RBCK1: variants seen among roughly 807,000 people sequenced by gnomAD.
The protein encoded by RBCK1 is RANBP2-type and C3HC4-type zinc finger containing 1, also known as ranBP-type and C3HC4-type zinc finger-containing protein 1.
A neutral mutation model predicts 71.1 loss-of-function variants in RBCK1; 44 were observed. The observed-to-expected ratio is 0.62, with a 90% CI of 0.49 to 0.80. The LOEUF is 0.80. Ranked by LOEUF, RBCK1 falls within the 30% of genes least tolerant of loss-of-function variation. RBCK1 has a pLI of 0.00. For synonymous variants in RBCK1, 306 were observed against 279.7 expected (o/e 1.09, Z -0.94); for missense variants, 569 against 685.0 (o/e 0.83, Z 1.89).
chr20:420,434 C>T (rs1222609204), intron 6 of RBCK1: 11 of 982,520 alleles, frequency 1.1e-5, no homozygotes, highest in African/African-American at 1.8e-5. Context: ...CTCAGCTCCT[C>T]GGCTTCGTCA....
Position 429,384 on chromosome 20 carries a change from G to A in RBCK1, c.1452+290G>A, listed in dbSNP as rs961748893. Among the ~76,000 whole-genome samples, 4 of 152,178 alleles carry A rather than the reference G, an allele frequency of 2.6e-5. No homozygotes were observed. The South Asian group carries it at 6.2e-4, about 24-fold the overall frequency. On this transcript the variant is annotated intron_variant, in intron 11 of 11. Transcript: ENST00000356286. ...TGGGATTACAGGCATGCGCCACCAC[G>A]CCCGGCTAGTTTTGTATTTTTAGGA... is the stretch of plus-strand genomic sequence containing the variant.
chr20:419,627 CG>C lies in RBCK1; in HGVS notation c.655del (p.Ala219ArgfsTer57), dbSNP rs1568557710. 1.3e-6 allele frequency: 2 copies of C among 1,591,770 alleles called. No homozygotes were observed. Among genetic ancestry groups the C allele is most frequent in the South Asian group, 1.1e-5 (1 of 88,544 alleles). ...GCGGCCTGGCTGTGAGATGTGCTGC[CG>C]GGCGCGCCCCGAGGCCTACCAGGTC... ...PTRPGCEMCC[R>X]ARPEAYQVPA... On this transcript the variant is annotated frameshift_variant, in exon 6 of 12. Coordinates refer to ENST00000356286, the MANE Select transcript of RBCK1 (RefSeq NM_031229.4). LOFTEE classifies it high-confidence loss of function.
Position 417,335 on chromosome 20 carries a change from C to T in RBCK1, c.168-191C>T. Reference sequence around the variant, plus strand: ...GAGTAGCGTGGAGCCATTGGAGGGGCCTAACTGGTGGGTTCTAATAAAGGA... The same window carrying T: ...GAGTAGCGTGGAGCCATTGGAGGGGTCTAACTGGTGGGTTCTAATAAAGGA... On this transcript the variant is annotated intron_variant, in intron 2 of 11. Coordinates refer to ENST00000356286, the MANE Select transcript of RBCK1 (RefSeq NM_031229.4). This position sits in a 1 kb window ranked among gnomAD's most constrained non-coding sequence, Gnocchi z 4.7. 1 of 732,186 alleles carries T rather than the reference C, an allele frequency of 1.4e-6. No homozygotes were observed. The highest frequency in any genetic ancestry group is 2.5e-6 in the Non-Finnish European group (1 of 392,324). The allele number at this position is 732,186 out of a possible 1,614,324, so 45.4% of individuals were successfully genotyped here. A position where few individuals can be genotyped will look rare whatever the true frequency, so the allele number is the denominator to read the frequency against.
chr20:429,114 GGT>G lies in RBCK1; in HGVS notation c.1452+24_1452+25del, dbSNP rs1230135214. On this transcript the variant is annotated intron_variant, in intron 11 of 11. Transcript: ENST00000356286. The stretch of plus-strand genomic sequence containing the variant: ...CCTGGGGTGAGTCTTTGCTCGTGGT[GGT>G]GTGGAGAGGGTGCCCTTGTGGGCTT... The G allele has an allele frequency of 1.9e-6, 3 of 1,601,080 alleles. No individual in the cohort carries two copies. The highest frequency in any genetic ancestry group is 2.6e-6 in the Non-Finnish European group (3 of 1,172,850).
intron 4 of RBCK1, among the ~76,000 whole-genome samples, chr20:418,461 C>T (rs1172869817): frequency 5.3e-5 from 8 of 152,170 alleles, no homozygotes; most frequent in South Asian, 2.1e-4. Context: ...CTCCGACTCC[C>T]GGGTTCACGC....
At chr20:410,484 A>T in intron 2 of RBCK1, 1 of 779,580 alleles carries the variant, frequency 1.3e-6, no homozygotes, top group Admixed American at 1.7e-5. Context: ...GAAGAAAGAC[A>T]CCCCTCCACA....
chr20:427,339 A>C lies in RBCK1; in HGVS notation c.1056A>C (p.Arg352=). 6.2e-7 allele frequency: 1 copy of C among 1,614,026 alleles called. No homozygotes were observed. Among genetic ancestry groups the C allele is most frequent in the Non-Finnish European group, 8.5e-7 (1 of 1,180,004 alleles). The stretch of plus-strand genomic sequence containing the variant: ...TCCTGACCCCTGAGGATTACCAGCG[A>C]TTTCTAGACCTGGGCATCTCCATTG... ...KALLTPEDYQ[R]FLDLGISIAE... is the part of the protein sequence containing the mutation. The change falls in exon 9 of 12, where the codon CGA becomes CGC. Residue 352 remains arginine, a synonymous_variant. Coordinates refer to ENST00000356286, the MANE Select transcript of RBCK1 (RefSeq NM_031229.4).
At chr20:429,549 G>T (rs2016915597) in intron 11 of RBCK1, among the ~76,000 whole-genome samples, 1 of 152,170 alleles carries the variant, frequency 6.6e-6, no homozygotes, top group African/African-American at 2.4e-5. Context: ...TCTTTAAATG[G>T]TTGAAAAAAT....
intron 11 of RBCK1, among the ~76,000 whole-genome samples, chr20:429,796 C>CA (rs2016926291): frequency 1.3e-5 from 2 of 152,340 alleles, no homozygotes; most frequent in South Asian, 4.1e-4. Flanking sequence ...GATCTGGAGT[C>CA]AGAGGTGGAT....
intron 2 of RBCK1, among the ~76,000 whole-genome samples, chr20:416,379 C>T (rs1477699471): frequency 6.6e-6 from 1 of 151,720 alleles, no homozygotes; most frequent in Non-Finnish European, 1.5e-5. Flanking sequence ...CCAGGATGGT[C>T]TCGATCTCCT....
In RBCK1 at chr20:419,378, G is replaced by GCGGGGCCCTCTGGAGC; in HGVS notation, c.494_509dup (p.Pro173SerfsTer24). On this transcript the variant is annotated frameshift_variant, in exon 5 of 12. Transcript: ENST00000356286. LOFTEE classifies it high-confidence loss of function. ...GCTTCAAGGACCTCACGCTGCAGCC[G>GCGGGGCCCTCTGGAGC]CGGGGCCCTCTGGAGCCAGGCCCCC... 1 of 1,612,482 alleles carries GCGGGGCCCTCTGGAGC rather than the reference G, an allele frequency of 6.2e-7. No individual in the cohort carries two copies. The highest frequency in any genetic ancestry group is 8.5e-7 in the Non-Finnish European group (1 of 1,179,754).
In RBCK1 at chr20:419,721, A is replaced by G. The variant is rs763971799; in HGVS notation, c.746A>G (p.Gln249Arg). 5.7e-5 allele frequency: 89 copies of G among 1,559,148 alleles called. No individual in the cohort carries two copies. The Admixed American group carries it at 1.6e-3, about 29-fold the overall frequency. ...GCGGGCGAGGAGGAGGCGCTGCGTC[A>G]GTACCAGCAGGTGGGCGGGAAAGTC... is the stretch of plus-strand genomic sequence containing the variant. ...RLAGEEEALR[Q>R]YQQRKQQQQE... The change falls in exon 6 of 12, where the codon CAG (glutamine) becomes CGG (arginine). Residue 249 changes from glutamine (Q) to arginine (R), a missense_variant. Gln to Arg is a conservative substitution (Grantham distance 43). This residue lies in a region of RBCK1 where 358 missense variants were observed against 375.6 expected (regional missense o/e 0.95). Coordinates refer to ENST00000356286, the MANE Select transcript of RBCK1 (RefSeq NM_031229.4).
intron 6 of RBCK1, chr20:420,050 A>T (rs889346568): frequency 1.0e-6 from 1 of 969,504 alleles, no homozygotes; most frequent in Admixed American, 6.2e-5. Context: ...TGACCCCAGC[A>T]CCCTAGCCAT....
chr20:410,803 T>C, intron 2 of RBCK1: 2 of 426,670 alleles, frequency 4.7e-6, no homozygotes, highest in Non-Finnish European at 8.5e-6. Context: ...AGTAAGGCAA[T>C]AGTTTTATGG....
At position 430,628 on chromosome 20, in the gene RBCK1, G is replaced by A. The variant is rs1207086227; in HGVS notation, c.*198G>A. 2 of 613,428 alleles carry A rather than the reference G, an allele frequency of 3.3e-6. No homozygotes were observed. The highest frequency in any genetic ancestry group is 3.7e-5 in the African/African-American group (2 of 54,268). 38.0% of individuals were successfully genotyped at this position (613,428 alleles called of 1,614,324 possible). A position where few individuals can be genotyped will look rare whatever the true frequency, so the allele number is the denominator to read the frequency against. On this transcript the variant is annotated 3_prime_UTR_variant, in exon 12 of 12. Transcript: ENST00000356286. The surrounding 1 kb of genome is among the most constrained non-coding windows in gnomAD (Gnocchi z 5.6). ...CTTGCCGGCCAGACTTCTCTCCCCT[G>A]CGGCTCCCACCTCTGCCTGACCCCA...
intron 8 of RBCK1, among the ~76,000 whole-genome samples, chr20:423,125 C>G (rs1322679615): frequency 6.6e-6 from 1 of 152,140 alleles, no homozygotes; most frequent in Non-Finnish European, 1.5e-5. Flanking sequence ...CATGGAGAAA[C>G]CCCATCTCTA....
intron 1 of RBCK1, 148 bp from the exon 2 acceptor site, chr20:409,733 T>C: frequency 8.1e-7 from 1 of 1,236,176 alleles, no homozygotes; most frequent in Non-Finnish European, 1.1e-6. Flanking sequence ...AAGGGACTTT[T>C]AGTCTGGGTG....
intron 2 of RBCK1, among the ~76,000 whole-genome samples, chr20:412,130 A>T (rs6139116): frequency 6.6e-6 from 1 of 152,168 alleles, no homozygotes; most frequent in East Asian, 1.9e-4. Flanking sequence ...TCTCCACATC[A>T]TCTCTAATAC....
rs1447216509 is a variant in RBCK1 at position 420,872 on chromosome 20, G to A, written c.758G>A (p.Arg253Gln). 3 of 1,548,512 alleles carry A rather than the reference G, an allele frequency of 1.9e-6. No homozygotes were observed. The highest frequency in any genetic ancestry group is 2.4e-5 in the East Asian group (1 of 41,610). Residue 253 changes from arginine to glutamine, a missense_variant and splice_region_variant, in exon 7 of 12, where the codon CGG (arginine) becomes CAG (glutamine). By Grantham distance (43) the Arg-to-Gln change is conservative (BLOSUM62 1). This residue lies in a region of RBCK1 where 358 missense variants were observed against 375.6 expected (regional missense o/e 0.95). Transcript: ENST00000356286. ...EEEALRQYQQ[R>Q]KQQQQEGNYL... ...CGTGGCCCCGCCCCGTGTGCCCAGCGGAAGCAGCAGCAGCAGGAGGGGAAC... is the reference window on the plus strand; with the variant it reads ...CGTGGCCCCGCCCCGTGTGCCCAGCAGAAGCAGCAGCAGCAGGAGGGGAAC...
Sources: gnomAD v4.1 joint callset for allele counts (sites outside exome capture counted in the v4.1 genomes callset) on GRCh38, gnomAD v4.1.1 for gene constraint, gnomAD v4.1.1 regional missense constraint, Gnocchi (gnomAD v3.1) non-coding constraint, MANE v1.5 for transcripts, NCBI Gene and HGNC (gene_info 2026-07-23, HGNC 2026-07-21) for gene names.